Variants in SLC16A7 observed in about 807,000 individuals in gnomAD.
SLC16A7 encodes the protein solute carrier family 16 member 7.
SLC16A7 carries 33 observed loss-of-function variants against 34.9 expected under a neutral mutation model. The observed-to-expected ratio is 0.94, with a 90% CI of 0.72 to 1.26. The LOEUF (loss-of-function observed/expected upper bound fraction) is 1.26, where lower values mean the gene tolerates loss of function less well. SLC16A7 is among the 50% of genes most tolerant of loss of function. SLC16A7 has a pLI of 0.00. For synonymous variants in SLC16A7, 201 were observed against 206.6 expected (o/e 0.97, Z 0.23); for missense variants, 573 against 578.1 (o/e 0.99, Z 0.09).
chr12:59,603,845 T>C (rs1269962771), intron 1 of SLC16A7, among the ~76,000 whole-genome samples: 1 of 152,212 alleles, frequency 6.6e-6, no homozygotes, highest in Non-Finnish European at 1.5e-5. Flanking sequence ...TAAACCACCA[T>C]CTATTATTTA....
In SLC16A7 at chr12:59,781,785, C is replaced by T. The variant is rs11173143; in HGVS notation, c.*2106C>T. ...AATCATAAATTTTCAAAAAAAAATT[C>T]TACTTTCCAAAAAGTGTCTTGAATT... On this transcript the variant is annotated 3_prime_UTR_variant, in exon 6 of 6. Coordinates refer to ENST00000547379, the MANE Select transcript of SLC16A7 (RefSeq NM_001270623.2). 8.7e-4 allele frequency: 132 copies of T among 152,340 alleles called. No individual in the cohort carries two copies. Among genetic ancestry groups the T allele is most frequent in the African/African-American group, 3.0e-3 (126 of 41,520 alleles). 9.4% of individuals were successfully genotyped at this position (152,340 alleles called of 1,614,324 possible).
intron 4 of SLC16A7, 120 bp from the exon 5 acceptor site, chr12:59,774,537 T>C (rs1592693668): frequency 5.0e-6 from 3 of 600,586 alleles, no homozygotes; most frequent in Non-Finnish European, 8.8e-6. Flanking sequence ...AAATGTACTA[T>C]ATGATATTGC....
chr12:59,633,356 T>A (rs965362769), intron 1 of SLC16A7, among the ~76,000 whole-genome samples: 1 of 151,968 alleles, frequency 6.6e-6, no homozygotes, highest in African/African-American at 2.4e-5. Flanking sequence ...ACTAATCATA[T>A]CAGTTCATAT....
At position 59,787,707 on chromosome 12, in the gene SLC16A7, C is replaced by T. The variant is rs995530023; in HGVS notation, c.*8028C>T. The T allele has an allele frequency of 3.3e-5, 5 of 152,144 alleles. No homozygotes were observed. Among genetic ancestry groups the T allele is most frequent in the African/African-American group, 4.8e-5 (2 of 41,442 alleles). 9.4% of individuals were successfully genotyped at this position (152,144 alleles called of 1,614,324 possible). A position where few individuals can be genotyped will look rare whatever the true frequency, so the allele number is the denominator to read the frequency against. ...TAAAAATTTGGGTAAACTCATGTAT[C>T]GCAGTAAAATCTTTTATGAATTGGG... On this transcript the variant is annotated 3_prime_UTR_variant, in exon 6 of 6. Coordinates refer to ENST00000547379, the MANE Select transcript of SLC16A7 (RefSeq NM_001270623.2).
intron 2 of SLC16A7, among the ~76,000 whole-genome samples, chr12:59,673,120 T>G (rs1390728667): frequency 6.6e-6 from 1 of 152,156 alleles, no homozygotes; most frequent in Non-Finnish European, 1.5e-5. Context: ...ACTTACAAGG[T>G]TCTTATGAAA....
intron 2 of SLC16A7, among the ~76,000 whole-genome samples, chr12:59,690,174 A>G (rs1334435462): frequency 1.3e-5 from 2 of 151,746 alleles, no homozygotes; most frequent in Admixed American, 1.3e-4. Context: ...CTGGGAGAGA[A>G]GAAAAGACTG....
intron 2 of SLC16A7, among the ~76,000 whole-genome samples, chr12:59,658,523 G>C (rs1010037416): frequency 6.6e-6 from 1 of 152,022 alleles, no homozygotes; most frequent in Non-Finnish European, 1.5e-5. Flanking sequence ...ACTGCTGTGA[G>C]TTAGTGGAAG....
intron 3 of SLC16A7, among the ~76,000 whole-genome samples, chr12:59,743,102 A>G (rs1019743042): frequency 1.3e-5 from 2 of 152,236 alleles, no homozygotes; most frequent in Admixed American, 6.5e-5. Flanking sequence ...GGGAAAATGC[A>G]TATGAATATC....
At chr12:59,674,361 GA>G (rs1360677896) in intron 2 of SLC16A7, among the ~76,000 whole-genome samples, 3 of 152,098 alleles carry the variant, frequency 2.0e-5, no homozygotes, top group Admixed American at 6.6e-5. Flanking sequence ...TGCCACATAG[GA>G]GCTGTTTGAT....
intron 1 of SLC16A7, among the ~76,000 whole-genome samples, chr12:59,600,849 T>C (rs1878647347): frequency 6.6e-6 from 1 of 152,166 alleles, no homozygotes; most frequent in Non-Finnish European, 1.5e-5. Context: ...AAATAATTTT[T>C]CTGACCTAAT....
chr12:59,602,479 C>CTTTTTTT (rs34035713), intron 1 of SLC16A7, among the ~76,000 whole-genome samples: 10 of 80,264 alleles, frequency 1.2e-4, no homozygotes, highest in South Asian at 5.0e-4. Context: ...GTGTTTTGGG[C>CTTTTTTT]TTTTTTTTTT....
chr12:59,607,546 G>T (rs548987869), intron 1 of SLC16A7, among the ~76,000 whole-genome samples: 2 of 152,120 alleles, frequency 1.3e-5, no homozygotes, highest in Non-Finnish European at 2.9e-5. Context: ...TATAATCCAT[G>T]TGGAAAATCA....
At chr12:59,734,044 C>T in intron 3 of SLC16A7, 1 of 334,566 alleles carries the variant, frequency 3.0e-6, no homozygotes, top group Admixed American at 3.9e-5. Flanking sequence ...TCACTTTGGT[C>T]TACAGACTAC....
intron 3 of SLC16A7, among the ~76,000 whole-genome samples, chr12:59,766,578 A>C (rs537488517): frequency 8.1e-4 from 124 of 152,308 alleles, no homozygotes; most frequent in African/African-American, 2.8e-3. Flanking sequence ...TTCTGCATCT[A>C]TTGAGATAAT....
At chr12:59,762,475 A>G (rs1296385930) in intron 3 of SLC16A7, among the ~76,000 whole-genome samples, 2 of 152,126 alleles carry the variant, frequency 1.3e-5, no homozygotes, top group African/African-American at 4.8e-5. Context: ...ATTTATTTAT[A>G]TCTCTAAAAT....
intron 3 of SLC16A7, among the ~76,000 whole-genome samples, chr12:59,708,958 A>G (rs1873907016): frequency 1.3e-5 from 2 of 151,694 alleles, no homozygotes; most frequent in East Asian, 3.8e-4. Context: ...AGCAAATTTT[A>G]GCAAATAGGT....
intron 3 of SLC16A7, among the ~76,000 whole-genome samples, chr12:59,739,679 A>G (rs1878059448): frequency 2.0e-5 from 3 of 151,808 alleles, no homozygotes; most frequent in South Asian, 4.2e-4. Flanking sequence ...AAGTGTTTCT[A>G]TTTCTCCACA....
chr12:59,676,280 T>C (rs1226914882), intron 2 of SLC16A7, among the ~76,000 whole-genome samples: 1 of 152,172 alleles, frequency 6.6e-6, no homozygotes, highest in Non-Finnish European at 1.5e-5. Flanking sequence ...CTTTCACTAA[T>C]TGGATAAAAA....
chr12:59,633,205 T>C (rs572563588), intron 1 of SLC16A7, among the ~76,000 whole-genome samples: 1 of 152,124 alleles, frequency 6.6e-6, no homozygotes, highest in South Asian at 2.1e-4. Flanking sequence ...CTTTGTACTA[T>C]TTGTATTTGC....
Sources: gnomAD v4.1 joint callset for allele counts (sites outside exome capture counted in the v4.1 genomes callset) on GRCh38, gnomAD v4.1.1 for gene constraint, MANE v1.5 for transcripts, NCBI Gene and HGNC (gene_info 2026-07-23, HGNC 2026-07-21) for gene names.